Variants in RIN3 observed in about 807,000 individuals in gnomAD.
RIN3 encodes the protein Ras and Rab interactor 3.
Under a neutral mutation model 76.3 loss-of-function variants are expected in RIN3, and 54 were observed. That is an observed-to-expected ratio of 0.71 (90% CI 0.57 to 0.89). The LOEUF (loss-of-function observed/expected upper bound fraction) is 0.89. RIN3 is among the 40% of genes least tolerant of loss of function. RIN3 has a pLI of 0.00. For synonymous variants in RIN3, 576 were observed against 564.0 expected (o/e 1.02, Z -0.30); for missense variants, 1,256 against 1,322.1 (o/e 0.95, Z 0.78).
intron 1 of RIN3, among the ~76,000 whole-genome samples, chr14:92,534,819 G>T (rs112484025): frequency 2.0e-5 from 3 of 152,070 alleles, no homozygotes; most frequent in Non-Finnish European, 4.4e-5. Flanking sequence ...TCATGCCTGG[G>T]TGTCTATTCT....
chr14:92,657,669 C>A (rs905456960), intron 6 of RIN3, among the ~76,000 whole-genome samples: 31 of 152,046 alleles, frequency 2.0e-4, no homozygotes, highest in Middle Eastern at 3.2e-3. Context: ...TCCCTGCTCC[C>A]AGGTCAACCC....
At position 92,688,023 on chromosome 14, in the gene RIN3, C is replaced by T; in HGVS notation, c.2729C>T (p.Ala910Val). The change falls in exon 10 of 10, where the codon GCG becomes GTG. Residue 910 changes from alanine (A) to valine (V), a missense_variant. This residue lies in a region of RIN3 where 218 missense variants were observed against 174.5 expected (regional missense o/e 1.25). Transcript: ENST00000216487. Reference protein sequence around the residue: ...TQAQALCAQCAEKFAVERPQA... With the variant: ...TQAQALCAQCVEKFAVERPQA... ...GCCCAGGCGCTGTGCGCGCAGTGCG[C>T]GGAGAAGTTCGCGGTGGAGCGGCCG... is the stretch of plus-strand genomic sequence containing the variant. 1 of 1,588,496 alleles carries T rather than the reference C, an allele frequency of 6.3e-7. No homozygotes were observed. Among genetic ancestry groups the T allele is most frequent in the Non-Finnish European group, 8.6e-7 (1 of 1,169,070 alleles).
At chr14:92,547,807 G>A (rs111440198) in intron 1 of RIN3, among the ~76,000 whole-genome samples, 3 of 152,098 alleles carry the variant, frequency 2.0e-5, no homozygotes, top group African/African-American at 4.8e-5. Context: ...TGGTTCAAGC[G>A]TTTCTCCTGC....
chr14:92,685,126 C>G lies in RIN3; in HGVS notation c.2607C>G (p.Ala869=). 6.2e-7 allele frequency: 1 copy of G among 1,612,542 alleles called. No individual in the cohort carries two copies. Among genetic ancestry groups the G allele is most frequent in the Non-Finnish European group, 8.5e-7 (1 of 1,179,364 alleles). ...RWERRRTLNK[A]RASRSSVQDF... is the part of the protein sequence containing the mutation. ...AGCGCCGGCGTACTCTCAACAAGGC[C>G]CGGGCCTCCCGCTCCTCCGTACAGG... Residue 869 remains alanine, a synonymous_variant, in exon 9 of 10, where the codon GCC becomes GCG. Coordinates refer to ENST00000216487, the MANE Select transcript of RIN3 (RefSeq NM_024832.5). This position sits in a 1 kb window ranked among gnomAD's most constrained non-coding sequence, Gnocchi z 4.7.
intron 1 of RIN3, among the ~76,000 whole-genome samples, chr14:92,551,091 G>A (rs988588995): frequency 2.0e-5 from 3 of 152,196 alleles, no homozygotes; most frequent in African/African-American, 7.2e-5. Flanking sequence ...GTTAACTAGA[G>A]TTCAGTGTTT....
At chr14:92,639,699 T>G (rs1452201609) in intron 4 of RIN3, among the ~76,000 whole-genome samples, 1 of 152,220 alleles carries the variant, frequency 6.6e-6, no homozygotes, top group East Asian at 1.9e-4. Context: ...CCTTTTCCTT[T>G]CCGGGCCCCT....
chr14:92,651,600 T>C lies in RIN3; in HGVS notation c.551T>C (p.Leu184Pro), dbSNP rs1216546965. 3.8e-6 allele frequency: 6 copies of C among 1,591,684 alleles called. No individual in the cohort carries two copies. Among genetic ancestry groups the C allele is most frequent in the African/African-American group, 1.4e-5 (1 of 73,278 alleles). Residue 184 changes from leucine (L) to proline (P), a missense_variant, in exon 6 of 10, where the codon CTG (leucine) becomes CCG (proline). Coordinates refer to ENST00000216487, the MANE Select transcript of RIN3 (RefSeq NM_024832.5). Reference sequence around the variant, plus strand: ...TCCACAGGTTTCTGGGACTCCTCGCTGAATCCTCCACAAGAAAGAGGGAAG... The same window carrying C: ...TCCACAGGTTTCTGGGACTCCTCGCCGAATCCTCCACAAGAAAGAGGGAAG... ...NLGLGFWDSSLNPPQERGKPA... is the reference protein window; with the variant it reads ...NLGLGFWDSSPNPPQERGKPA...
chr14:92,536,048 C>T (rs1008687045), intron 1 of RIN3, among the ~76,000 whole-genome samples: 7 of 152,114 alleles, frequency 4.6e-5, no homozygotes, highest in African/African-American at 1.4e-4. Context: ...TGTAAATGTG[C>T]GGCTCTATTT....
chr14:92,616,423 C>A (rs1450570097), intron 4 of RIN3, among the ~76,000 whole-genome samples: 2 of 151,350 alleles, frequency 1.3e-5, no homozygotes, highest in Non-Finnish European at 2.9e-5. Flanking sequence ...GTTACAAAGT[C>A]TTTTACTTGG....
At position 92,681,462 on chromosome 14, in the gene RIN3, T is replaced by C. The variant is rs1888660088; in HGVS notation, c.2468-3525T>C. On this transcript the variant is annotated intron_variant, in intron 8 of 9. Transcript: ENST00000216487. The surrounding 1 kb of genome is among the most constrained non-coding windows in gnomAD (Gnocchi z 4.7). The stretch of plus-strand genomic sequence containing the variant: ...TCACACATTCCGAAGCCCTGTACTT[T>C]ACACATACTCATTTCCTTTTCACAA... Among the ~76,000 whole-genome samples the C allele has an allele frequency of 6.6e-6, 1 of 152,244 alleles. No individual in the cohort carries two copies.
At chr14:92,550,401 G>A (rs1897391360) in intron 1 of RIN3, among the ~76,000 whole-genome samples, 1 of 151,970 alleles carries the variant, frequency 6.6e-6, no homozygotes, top group South Asian at 2.1e-4. Context: ...TTTTATTTTT[G>A]TTTAGTTTTA....
rs149604000 is a variant in RIN3, at chr14:92,652,372, C to G, written c.1323C>G (p.Ser441Arg). Reference protein sequence around the residue: ...EQGQDTEVKASDPHSMPELPR... With the variant: ...EQGQDTEVKARDPHSMPELPR... The stretch of plus-strand genomic sequence containing the variant: ...GCCAGGACACAGAGGTGAAAGCCAG[C>G]GATCCTCACAGCATGCCAGAGCTGC... The change falls in exon 6 of 10, where the codon AGC becomes AGG. Residue 441 changes from serine (S) to arginine (R), a missense_variant. Around this residue, in one of 3 missense-constraint regions of RIN3, gnomAD observed 610 missense variants for 626.4 expected, o/e 0.97. Transcript: ENST00000216487. This position sits in a 1 kb window ranked among gnomAD's most constrained non-coding sequence, Gnocchi z 6.4. The G allele has an allele frequency of 6.2e-7, 1 of 1,608,476 alleles. No homozygotes were observed.
At chr14:92,586,824 C>G (rs533459671) in intron 3 of RIN3, among the ~76,000 whole-genome samples, 81 of 152,276 alleles carry the variant, frequency 5.3e-4, no homozygotes, top group African/African-American at 1.9e-3. Flanking sequence ...AGAATGTAAG[C>G]ATGTACTCTG....
At position 92,659,367 on chromosome 14, in the gene RIN3, A is replaced by G; in HGVS notation, c.2233A>G (p.Lys745Glu). The G allele has an allele frequency of 1.2e-6, 2 of 1,613,108 alleles. No homozygotes were observed. The highest frequency in any genetic ancestry group is 1.7e-4 in the Middle Eastern group (1 of 6,054). ...GCCCATGATGGAGAAGATCCTGCAG[A>G]AGTTCACCAGCATGCACAAGGCCTA... ...EVPMMEKILQ[K>E]FTSMHKAYSP... The change falls in exon 7 of 10, where the codon AAG (lysine) becomes GAG (glutamate). Residue 745 changes from lysine to glutamate, a missense_variant. Physicochemically the swap from Lys to Glu is moderately conservative, Grantham distance 56. This residue lies in a region of RIN3 where 428 missense variants were observed against 521.2 expected (regional missense o/e 0.82). Coordinates refer to ENST00000216487, the MANE Select transcript of RIN3 (RefSeq NM_024832.5).
chr14:92,618,286 A>G (rs557579207), intron 4 of RIN3, among the ~76,000 whole-genome samples: 89 of 152,208 alleles, frequency 5.8e-4, no homozygotes, highest in Non-Finnish European at 1.2e-3. Context: ...TAAGAGTTTC[A>G]TGATAGTGGA....
At chr14:92,561,499 T>G (rs1230144805) in intron 2 of RIN3, among the ~76,000 whole-genome samples, 1 of 152,144 alleles carries the variant, frequency 6.6e-6, no homozygotes, top group Middle Eastern at 3.2e-3. Context: ...GCTGATTTTT[T>G]TTTTTATTTT....
In RIN3 at chr14:92,652,156, G is replaced by A. The variant is rs764172471; in HGVS notation, c.1107G>A (p.Gln369=). 1.9e-6 allele frequency: 3 copies of A among 1,596,356 alleles called. No individual in the cohort carries two copies. The highest frequency in any genetic ancestry group is 2.6e-6 in the Non-Finnish European group (3 of 1,171,036). The part of the protein sequence containing the change: ...MKPGAASSPL[Q]QVPAPPLPAK... Reference sequence around the variant, plus strand: ...CAGGGGCAGCCTCCAGTCCCTTGCAGCAGGTCCCCGCCCCGCCACTGCCTG... The same window carrying A: ...CAGGGGCAGCCTCCAGTCCCTTGCAACAGGTCCCCGCCCCGCCACTGCCTG... The change falls in exon 6 of 10, where the codon CAG becomes CAA. Residue 369 remains glutamine (Q), a synonymous_variant. Coordinates refer to ENST00000216487, the MANE Select transcript of RIN3 (RefSeq NM_024832.5). The surrounding 1 kb of genome is among the most constrained non-coding windows in gnomAD (Gnocchi z 6.4).
intron 2 of RIN3, among the ~76,000 whole-genome samples, chr14:92,571,667 A>T (rs1379371197): frequency 2.0e-5 from 3 of 152,148 alleles, no homozygotes; most frequent in African/African-American, 7.2e-5. Context: ...TGGGCTTCCC[A>T]GGCAACTGCA....
At chr14:92,650,333 C>A (rs1396348256) in intron 5 of RIN3, among the ~76,000 whole-genome samples, 1 of 152,238 alleles carries the variant, frequency 6.6e-6, no homozygotes, top group Non-Finnish European at 1.5e-5. Context: ...TGTTTCTGAG[C>A]CTCTTACCCT....
Sources: gnomAD v4.1 joint callset for allele counts (sites outside exome capture counted in the v4.1 genomes callset) on GRCh38, gnomAD v4.1.1 for gene constraint, gnomAD v4.1.1 regional missense constraint, Gnocchi (gnomAD v3.1) non-coding constraint, MANE v1.5 for transcripts, NCBI Gene and HGNC (gene_info 2026-07-23, HGNC 2026-07-21) for gene names.